The following CPA6 variants were observed in gnomAD, a reference collection of about 807,000 sequenced individuals.
CPA6 encodes the protein carboxypeptidase A6.
A neutral mutation model predicts 63.3 loss-of-function variants in CPA6; 58 were observed. The observed-to-expected ratio is 0.92, with a 90% CI of 0.74 to 1.14. The LOEUF (loss-of-function observed/expected upper bound fraction) is 1.14, where lower values mean the gene tolerates loss of function less well. Among genes scored for constraint, CPA6 ranks in the 50% most tolerant of loss-of-function variants. The pLI is 0.00. For missense variants in CPA6, 565 were observed against 526.6 expected (o/e 1.07, Z -0.71); for synonymous variants, 185 against 179.0 (o/e 1.03, Z -0.27).
At chr8:67,534,897 GT>G in intron 2 of CPA6, among the ~76,000 whole-genome samples, 1 of 150,000 alleles carries the variant, frequency 6.7e-6, no homozygotes, top group East Asian at 2.0e-4. Flanking sequence ...GCCCTGGTGT[GT>G]GATGTTCCCC....
intron 2 of CPA6, among the ~76,000 whole-genome samples, chr8:67,588,506 G>A (rs1333358185): frequency 6.6e-6 from 1 of 151,946 alleles, no homozygotes; most frequent in Non-Finnish European, 1.5e-5. Flanking sequence ...AATAGGAGAG[G>A]GCAATTTGTA....
intron 2 of CPA6, among the ~76,000 whole-genome samples, chr8:67,581,221 C>A (rs1813763482): frequency 6.6e-6 from 1 of 152,068 alleles, no homozygotes; most frequent in Non-Finnish European, 1.5e-5. Flanking sequence ...GGATGTGCGA[C>A]AGTTGATTAA....
chr8:67,745,269 A>G (rs1385992562), intron 1 of CPA6, among the ~76,000 whole-genome samples: 1 of 152,232 alleles, frequency 6.6e-6, no homozygotes, highest in Non-Finnish European at 1.5e-5. Flanking sequence ...TCCAGATTCT[A>G]AGAACGACCC....
chr8:67,486,525 C>T (rs7843366), intron 6 of CPA6, among the ~76,000 whole-genome samples: 10,210 of 152,228 alleles, frequency 0.067, 1,127 homozygotes, highest in African/African-American at 0.23. Flanking sequence ...ACACATTTCC[C>T]AGAACATATC....
At chr8:67,553,511 T>C (rs1812995575) in intron 2 of CPA6, among the ~76,000 whole-genome samples, 1 of 152,334 alleles carries the variant, frequency 6.6e-6, no homozygotes, top group Admixed American at 6.5e-5. Context: ...GATTATACCA[T>C]AGCTATAAAC....
At chr8:67,489,663 C>T (rs908820811) in intron 6 of CPA6, among the ~76,000 whole-genome samples, 1 of 151,912 alleles carries the variant, frequency 6.6e-6, no homozygotes, top group East Asian at 1.9e-4. Context: ...TATACATTCT[C>T]TAATTATTGG....
chr8:67,724,483 C>A (rs1817560345), intron 1 of CPA6, among the ~76,000 whole-genome samples: 1 of 152,214 alleles, frequency 6.6e-6, no homozygotes, highest in Non-Finnish European at 1.5e-5. Flanking sequence ...CCACTGAGCA[C>A]CACTTCACCA....
At chr8:67,632,319 C>T (rs1379728383) in intron 1 of CPA6, among the ~76,000 whole-genome samples, 1 of 151,700 alleles carries the variant, frequency 6.6e-6, no homozygotes, top group Non-Finnish European at 1.5e-5. Context: ...TGCAGGTGAG[C>T]ACTACCCTGC....
chr8:67,739,774 G>T (rs578197973), intron 1 of CPA6, among the ~76,000 whole-genome samples: 3 of 152,158 alleles, frequency 2.0e-5, no homozygotes, highest in Non-Finnish European at 2.9e-5. Flanking sequence ...TGATGTAGTC[G>T]ACAACAGGGA....
At chr8:67,688,614 T>A (rs1426407371) in intron 1 of CPA6, among the ~76,000 whole-genome samples, 1 of 152,174 alleles carries the variant, frequency 6.6e-6, no homozygotes, top group Admixed American at 6.5e-5. Flanking sequence ...AAACAACACT[T>A]TTGTGACATC....
chr8:67,477,477 T>G (rs1272496551), intron 8 of CPA6, among the ~76,000 whole-genome samples: 1 of 152,156 alleles, frequency 6.6e-6, no homozygotes, highest in African/African-American at 2.4e-5. Flanking sequence ...ACTTTGTATT[T>G]CTCCAGGATC....
At chr8:67,461,475 A>G (rs1810804819) in intron 8 of CPA6, among the ~76,000 whole-genome samples, 1 of 151,774 alleles carries the variant, frequency 6.6e-6, no homozygotes, top group Non-Finnish European at 1.5e-5. Context: ...CTACACAGAC[A>G]CGGCAACCAT....
chr8:67,575,931 CAAAT>C (rs1233069070), intron 2 of CPA6, among the ~76,000 whole-genome samples: 1 of 150,402 alleles, frequency 6.6e-6, no homozygotes, highest in Non-Finnish European at 1.5e-5. Flanking sequence ...CACAGAAAAA[CAAAT>C]AACACAAGAC....
At chr8:67,563,839 A>G (rs1000261145) in intron 2 of CPA6, among the ~76,000 whole-genome samples, 39 of 152,262 alleles carry the variant, frequency 2.6e-4, no homozygotes, top group African/African-American at 8.7e-4. Context: ...ACCACATTCT[A>G]TGAGTCACAG....
At chr8:67,538,237 C>T (rs899853165) in intron 2 of CPA6, among the ~76,000 whole-genome samples, 2 of 152,094 alleles carry the variant, frequency 1.3e-5, no homozygotes, top group South Asian at 4.1e-4. Flanking sequence ...TCCTGAATAT[C>T]CTTATTAATT....
At chr8:67,646,371 G>A (rs897844056) in intron 1 of CPA6, among the ~76,000 whole-genome samples, 4 of 152,276 alleles carry the variant, frequency 2.6e-5, no homozygotes, top group Non-Finnish European at 4.4e-5. Context: ...CAATCCTATG[G>A]CCATCAAATA....
intron 2 of CPA6, among the ~76,000 whole-genome samples, chr8:67,574,504 T>C (rs1375470744): frequency 1.3e-5 from 2 of 151,936 alleles, no homozygotes; most frequent in Non-Finnish European, 2.9e-5. Context: ...TACAAAGTGA[T>C]AGTAATTAAA....
intron 8 of CPA6, among the ~76,000 whole-genome samples, chr8:67,461,694 AC>A (rs1201521037): frequency 1.1e-4 from 17 of 151,070 alleles, no homozygotes; most frequent in African/African-American, 3.2e-4. Context: ...CAGGGGGCTG[AC>A]CCCCCCACTT....
intron 2 of CPA6, among the ~76,000 whole-genome samples, chr8:67,599,331 C>T (rs985315986): frequency 6.6e-5 from 10 of 152,194 alleles, no homozygotes; most frequent in Admixed American, 3.9e-4. Flanking sequence ...ACATGCTGGA[C>T]ATGTTCTGTG....
Sources: allele counts gnomAD v4.1 joint callset (sites outside exome capture counted in the v4.1 genomes callset), GRCh38; gene constraint gnomAD v4.1.1; transcripts MANE v1.5; gene names NCBI Gene and HGNC (gene_info 2026-07-23, HGNC 2026-07-21).